GRM5: variants seen among roughly 807,000 people sequenced by gnomAD.
GRM5 encodes glutamate metabotropic receptor 5.
Under a neutral mutation model 83.1 loss-of-function variants are expected in GRM5, and 19 were observed. The ratio of observed to expected loss-of-function variants is 0.23; its 90% CI spans 0.16 to 0.34. The LOEUF (loss-of-function observed/expected upper bound fraction) is 0.34, where lower values mean the gene tolerates loss of function less well. GRM5 is among the 10% of genes least tolerant of loss of function. GRM5 has a pLI of 1.00. For missense variants in GRM5, 1,160 were observed against 1,588.3 expected (o/e 0.73, Z 4.58); for synonymous variants, 675 against 633.6 (o/e 1.07, Z -0.98).
chr11:88,544,385 G>A lies in GRM5; in HGVS notation c.2631-18981C>T, dbSNP rs961508857. Reference sequence around the variant, plus strand: ...TCTTTCCTAGCCCAGCCTTGTGTTTGCTGTCTGGTTCACATTTTAGACTTT... The same window carrying A: ...TCTTTCCTAGCCCAGCCTTGTGTTTACTGTCTGGTTCACATTTTAGACTTT... On this transcript the variant is annotated intron_variant, in intron 8 of 9. Coordinates refer to ENST00000305447, the MANE Select transcript of GRM5 (RefSeq NM_001143831.3). Among the ~76,000 whole-genome samples the A allele has an allele frequency of 5.6e-4, 86 of 152,284 alleles. 2 individuals carry two copies. Among genetic ancestry groups the A allele is most frequent in the Admixed American group, 4.5e-3 (69 of 15,286 alleles).
At chr11:88,631,795 G>T (rs1390858606) in intron 4 of GRM5, among the ~76,000 whole-genome samples, 1 of 152,094 alleles carries the variant, frequency 6.6e-6, no homozygotes, top group African/African-American at 2.4e-5. Context: ...ACATCCCTTT[G>T]TAAAGTAAAT....
chr11:88,810,091 C>T (rs778993895), intron 3 of GRM5, among the ~76,000 whole-genome samples: 1 of 151,946 alleles, frequency 6.6e-6, no homozygotes, highest in Non-Finnish European at 1.5e-5. Context: ...TTTGATTATG[C>T]ATCTAATATG....
intron 4 of GRM5, among the ~76,000 whole-genome samples, chr11:88,625,821 C>A (rs894817695): frequency 2.0e-5 from 3 of 152,222 alleles, no homozygotes; most frequent in Non-Finnish European, 2.9e-5. Flanking sequence ...AAAAATCAGA[C>A]AAACAGCAAC....
chr11:88,750,850 G>A (rs1022539723), intron 3 of GRM5, among the ~76,000 whole-genome samples: 4 of 151,952 alleles, frequency 2.6e-5, no homozygotes, highest in Non-Finnish European at 5.9e-5. Flanking sequence ...AATTAAGGCA[G>A]ACATCAAAAA....
intron 8 of GRM5, among the ~76,000 whole-genome samples, chr11:88,549,513 A>C (rs975797341): frequency 6.6e-6 from 1 of 151,938 alleles, no homozygotes; most frequent in African/African-American, 2.4e-5. Flanking sequence ...AACAACAACA[A>C]CAAAAGAAAT....
intron 2 of GRM5, among the ~76,000 whole-genome samples, chr11:89,018,357 T>C (rs547648439): frequency 2.0e-5 from 3 of 152,280 alleles, no homozygotes; most frequent in South Asian, 4.1e-4. Flanking sequence ...ATATGTGAAA[T>C]GTACTGTGGC....
chr11:88,613,525 A>G (rs1938385045), intron 4 of GRM5, among the ~76,000 whole-genome samples: 1 of 151,986 alleles, frequency 6.6e-6, no homozygotes, highest in African/African-American at 2.4e-5. Context: ...TTTGTTTTCC[A>G]TTTGCCTGAT....
intron 3 of GRM5, among the ~76,000 whole-genome samples, chr11:88,757,983 G>A (rs4753710): frequency 0.72 from 110,018 of 152,004 alleles, 40,246 homozygotes; most frequent in African/African-American, 0.75. Context: ...GGAGATGGAA[G>A]CTGAGCCTTG....
chr11:88,606,349 C>A (rs1014422025), intron 4 of GRM5, among the ~76,000 whole-genome samples: 1 of 152,102 alleles, frequency 6.6e-6, no homozygotes, highest in Non-Finnish European at 1.5e-5. Flanking sequence ...AAGGTGAAAC[C>A]CTGTCTCTAC....
At chr11:88,723,676 T>G (rs1035732187) in intron 3 of GRM5, among the ~76,000 whole-genome samples, 1 of 151,970 alleles carries the variant, frequency 6.6e-6, no homozygotes, top group Admixed American at 6.6e-5. Context: ...TTCCTTCCCC[T>G]TATCATTGAG....
chr11:88,774,711 G>A (rs1942812057), intron 3 of GRM5, among the ~76,000 whole-genome samples: 1 of 152,218 alleles, frequency 6.6e-6, no homozygotes, highest in Non-Finnish European at 1.5e-5. Flanking sequence ...AGATAATCAT[G>A]TGGTTTTTGT....
chr11:88,768,345 A>G (rs1047362416), intron 3 of GRM5, among the ~76,000 whole-genome samples: 1 of 152,032 alleles, frequency 6.6e-6, no homozygotes, highest in South Asian at 2.1e-4. Context: ...CAATCACAGA[A>G]AAGACAAATG....
At chr11:88,529,845 C>T (rs1941967322) in intron 8 of GRM5, among the ~76,000 whole-genome samples, 1 of 151,692 alleles carries the variant, frequency 6.6e-6, no homozygotes, top group African/African-American at 2.4e-5. Flanking sequence ...AGAATGATAC[C>T]CCAGTTACTG....
intron 2 of GRM5, among the ~76,000 whole-genome samples, chr11:88,953,802 T>C (rs1938532684): frequency 6.6e-6 from 1 of 152,216 alleles, no homozygotes; most frequent in Non-Finnish European, 1.5e-5. Context: ...ATCACACAAT[T>C]GAGTGCTTTA....
At chr11:88,828,025 A>C (rs528329752) in intron 3 of GRM5, among the ~76,000 whole-genome samples, 44 of 152,232 alleles carry the variant, frequency 2.9e-4, no homozygotes, top group African/African-American at 9.4e-4. Flanking sequence ...TTACGTGACA[A>C]ATCTATTGAT....
chr11:88,863,388 T>TA (rs34853133), intron 2 of GRM5, among the ~76,000 whole-genome samples: 9 of 151,400 alleles, frequency 5.9e-5, no homozygotes, highest in Middle Eastern at 3.4e-3. Flanking sequence ...AGACCAGATT[T>TA]AAAAAAAAAT....
At chr11:88,950,503 G>A (rs1197811273) in intron 2 of GRM5, among the ~76,000 whole-genome samples, 3 of 151,810 alleles carry the variant, frequency 2.0e-5, no homozygotes, top group African/African-American at 7.2e-5. Context: ...GCACTAAAAT[G>A]TTAATGATAA....
chr11:88,969,710 A>G (rs1478494225), intron 2 of GRM5, among the ~76,000 whole-genome samples: 1 of 152,140 alleles, frequency 6.6e-6, no homozygotes, highest in Non-Finnish European at 1.5e-5. Flanking sequence ...ACATGAGACC[A>G]TCATTAACAG....
At chr11:88,641,152 T>C (rs573038796) in intron 4 of GRM5, among the ~76,000 whole-genome samples, 1 of 151,968 alleles carries the variant, frequency 6.6e-6, no homozygotes, top group East Asian at 1.9e-4. Flanking sequence ...ATCACACACA[T>C]CACATGCCAG....
Sources: allele counts gnomAD v4.1 joint callset (sites outside exome capture counted in the v4.1 genomes callset), GRCh38; gene constraint gnomAD v4.1.1; transcripts MANE v1.5; gene names NCBI Gene and HGNC (gene_info 2026-07-23, HGNC 2026-07-21).